Variants in DYM observed in about 807,000 individuals in gnomAD.
DYM encodes dyggve-Melchior-Clausen syndrome protein.
Under a neutral mutation model 93.1 loss-of-function variants are expected in DYM, and 78 were observed. The observed-to-expected ratio is 0.84, with a 90% CI of 0.70 to 1.01. The LOEUF (loss-of-function observed/expected upper bound fraction) is 1.01. Ranked by LOEUF, DYM falls within the 50% of genes least tolerant of loss-of-function variation. The probability of loss-of-function intolerance (pLI) is 0.00; values close to 1 mark genes in which losing one functional copy is unlikely to be tolerated. For synonymous variants in DYM, 321 were observed against 319.7 expected (o/e 1.00, Z -0.04); for missense variants, 789 against 845.0 (o/e 0.93, Z 0.82).
At chr18:49,395,148 T>A (rs1011198826) in intron 2 of DYM, among the ~76,000 whole-genome samples, 6 of 151,728 alleles carry the variant, frequency 4.0e-5, no homozygotes, top group African/African-American at 1.2e-4. Flanking sequence ...TAGGATTATA[T>A]CAAACTAAAA....
intron 17 of DYM, among the ~76,000 whole-genome samples, chr18:49,096,863 G>A (rs1175960000): frequency 6.6e-6 from 1 of 152,182 alleles, no homozygotes; most frequent in Admixed American, 6.5e-5. Context: ...TAGACTTCCT[G>A]GGTTTCAATC....
chr18:49,401,394 C>T (rs2070805332), intron 2 of DYM, among the ~76,000 whole-genome samples: 1 of 152,082 alleles, frequency 6.6e-6, no homozygotes, highest in African/African-American at 2.4e-5. Context: ...AAACTGGAAT[C>T]TCAGTTTTAT....
At chr18:49,258,981 C>CA (rs531963442) in intron 11 of DYM, among the ~76,000 whole-genome samples, 96,039 of 140,622 alleles carry the variant, frequency 0.68, 33,480 homozygotes, top group Non-Finnish European at 0.75. Context: ...GGGGAAAAAA[C>CA]AAAAAAAAAA....
intron 10 of DYM, among the ~76,000 whole-genome samples, chr18:49,273,352 G>A (rs933083255): frequency 3.9e-5 from 6 of 152,132 alleles, no homozygotes; most frequent in African/African-American, 1.4e-4. Flanking sequence ...AGTTCCTTCT[G>A]ACATTTTGTC....
chr18:49,230,797 A>G (rs920527770), intron 13 of DYM, among the ~76,000 whole-genome samples: 3 of 152,244 alleles, frequency 2.0e-5, no homozygotes, highest in Admixed American at 6.5e-5. Flanking sequence ...TTTCTCCTTA[A>G]GAATCCACAT....
intron 17 of DYM, among the ~76,000 whole-genome samples, chr18:49,078,094 A>C (rs537431162): frequency 6.6e-6 from 1 of 152,022 alleles, no homozygotes; most frequent in African/African-American, 2.4e-5. Context: ...CTTTTGAGCT[A>C]TTCATTTTTT....
At chr18:49,222,234 A>G (rs892869695) in intron 13 of DYM, among the ~76,000 whole-genome samples, 1 of 152,080 alleles carries the variant, frequency 6.6e-6, no homozygotes. Context: ...GCAAATCAGA[A>G]TTTCTGTTAA....
intron 15 of DYM, among the ~76,000 whole-genome samples, chr18:49,150,486 C>T (rs1170012313): frequency 6.6e-6 from 1 of 152,186 alleles, no homozygotes; most frequent in Non-Finnish European, 1.5e-5. Context: ...TGTGAGCACA[C>T]ATTGAGAAGG....
chr18:49,223,057 C>T (rs369391280), intron 13 of DYM, among the ~76,000 whole-genome samples: 2 of 151,876 alleles, frequency 1.3e-5, no homozygotes, highest in East Asian at 1.9e-4. Flanking sequence ...GTATTTTTGC[C>T]AAAAAATTCC....
At chr18:49,190,093 T>C (rs568033165) in intron 14 of DYM, among the ~76,000 whole-genome samples, 2 of 152,346 alleles carry the variant, frequency 1.3e-5, no homozygotes, top group Admixed American at 1.3e-4. Flanking sequence ...AACAGATAAC[T>C]GTCCATTGTG....
intron 13 of DYM, among the ~76,000 whole-genome samples, chr18:49,256,083 C>CAAA (rs11337971): frequency 2.3e-5 from 2 of 85,872 alleles, no homozygotes; most frequent in African/African-American, 9.6e-5. Flanking sequence ...GACTCCATCT[C>CAAA]AAAAAAAAAA....
chr18:49,103,242 C>T (rs1191785440), intron 16 of DYM, among the ~76,000 whole-genome samples: 1 of 152,162 alleles, frequency 6.6e-6, no homozygotes, highest in Non-Finnish European at 1.5e-5. Context: ...TCATATCCTT[C>T]ACTCACTTTT....
intron 16 of DYM, among the ~76,000 whole-genome samples, chr18:49,105,137 G>A (rs1446511217): frequency 6.6e-6 from 1 of 152,050 alleles, no homozygotes; most frequent in Non-Finnish European, 1.5e-5. Flanking sequence ...TTTAGTCTTG[G>A]GAGGGTGTGT....
intron 8 of DYM, among the ~76,000 whole-genome samples, chr18:49,297,225 G>A (rs2060619802): frequency 6.6e-6 from 1 of 152,132 alleles, no homozygotes; most frequent in Non-Finnish European, 1.5e-5. Context: ...AATATATACT[G>A]TACTTAAATT....
chr18:49,101,870 G>C (rs769498998), intron 16 of DYM, among the ~76,000 whole-genome samples: 99 of 152,112 alleles, frequency 6.5e-4, no homozygotes, highest in Non-Finnish European at 1.3e-3. Context: ...AGATAAGACA[G>C]ATCAAACCTG....
At chr18:49,119,940 G>A (rs1041287747) in intron 15 of DYM, among the ~76,000 whole-genome samples, 16 of 151,880 alleles carry the variant, frequency 1.1e-4, no homozygotes, top group African/African-American at 2.7e-4. Flanking sequence ...TTAGCCAGGC[G>A]TGGTGGCACA....
At chr18:49,312,010 T>A (rs2061622387) in intron 8 of DYM, among the ~76,000 whole-genome samples, 1 of 152,170 alleles carries the variant, frequency 6.6e-6, no homozygotes, top group African/African-American at 2.4e-5. Flanking sequence ...TCCTGGTAAC[T>A]TTTTTTCTTT....
intron 2 of DYM, among the ~76,000 whole-genome samples, chr18:49,406,833 T>A (rs78471030): frequency 7.2e-5 from 11 of 152,172 alleles, no homozygotes; most frequent in Non-Finnish European, 1.3e-4. Context: ...ACAGCAATTG[T>A]ACTCTTGAAC....
chr18:49,056,666 T>C (rs1358391434), intron 17 of DYM, among the ~76,000 whole-genome samples: 1 of 151,866 alleles, frequency 6.6e-6, no homozygotes, highest in Non-Finnish European at 1.5e-5. Flanking sequence ...GACTCCCTAG[T>C]AGCAGGGACT....
Sources: gnomAD v4.1 joint callset for allele counts (sites outside exome capture counted in the v4.1 genomes callset) on GRCh38, gnomAD v4.1.1 for gene constraint, MANE v1.5 for transcripts, NCBI Gene and HGNC (gene_info 2026-07-23, HGNC 2026-07-21) for gene names.